The following PTPRD variants were observed in gnomAD, a reference collection of about 807,000 sequenced individuals.
PTPRD encodes receptor-type tyrosine-protein phosphatase delta.
In PTPRD, 34 loss-of-function variants were observed where a neutral mutation model predicts 214.5. The ratio of observed to expected loss-of-function variants is 0.16; its 90% CI spans 0.12 to 0.21. The LOEUF is 0.21. PTPRD is among the 10% of genes least tolerant of loss of function. PTPRD has a pLI of 1.00. For synonymous variants in PTPRD, 1,128 were observed against 845.7 expected, an observed-to-expected ratio of 1.33 and a Z score of -5.79; for missense variants, 2,545 against 2,398.7, an observed-to-expected ratio of 1.06 and a Z score of -1.27.
chr9:9,514,395 T>C (rs529082151), intron 8 of PTPRD, among the ~76,000 whole-genome samples: 1 of 152,102 alleles, frequency 6.6e-6, no homozygotes, highest in Non-Finnish European at 1.5e-5. Context: ...TGGAGCTGTG[T>C]GTGTAAAACA....
intron 14 of PTPRD, among the ~76,000 whole-genome samples, chr9:8,597,295 A>T (rs1445262007): frequency 2.6e-5 from 4 of 152,066 alleles, no homozygotes; most frequent in Non-Finnish European, 5.9e-5. Context: ...CAAGACAAGA[A>T]TAAGATTGAA....
rs1569554847 is a variant in PTPRD, at chr9:9,152,519, T to G, written c.-143+30785A>C. Among the ~76,000 whole-genome samples, 9 of 152,202 alleles carry G rather than the reference T, an allele frequency of 5.9e-5. No individual in the cohort carries two copies. In the South Asian group the frequency reaches 1.9e-3, roughly 32 times the overall value. On this transcript the variant is annotated intron_variant, in intron 10 of 45. Transcript: ENST00000381196. ...AATAGTAATAACTATACAAGATTAA[T>G]GGTAAAGACAAATATGTAAGAAAGA... is the stretch of plus-strand genomic sequence containing the variant.
intron 11 of PTPRD, among the ~76,000 whole-genome samples, chr9:8,759,177 C>T (rs187385463): frequency 9.9e-5 from 15 of 152,106 alleles, no homozygotes; most frequent in African/African-American, 2.9e-4. Flanking sequence ...ATGACAGACA[C>T]GTACCACCTT....
intron 31 of PTPRD, 34 bp from the exon 32 acceptor site, chr9:8,465,709 T>C (rs1365415184): frequency 4.5e-6 from 7 of 1,550,246 alleles, no homozygotes; most frequent in African/African-American, 4.1e-5. Context: ...GAAAAAGAAC[T>C]GTAAATAATA....
chr9:9,845,602 G>A (rs10978033), intron 5 of PTPRD, among the ~76,000 whole-genome samples: 28,252 of 151,776 alleles, frequency 0.19, 2,668 homozygotes, highest in African/African-American at 0.22. Flanking sequence ...AGTTAGTGGT[G>A]ATATTCAAAA....
intron 7 of PTPRD, among the ~76,000 whole-genome samples, chr9:9,650,722 C>T (rs192619309): frequency 6.6e-6 from 1 of 151,850 alleles, no homozygotes; most frequent in Admixed American, 6.6e-5. Flanking sequence ...ACAACAAATC[C>T]CCATGACACA....
At chr9:9,949,458 C>G (rs1474915874) in intron 4 of PTPRD, among the ~76,000 whole-genome samples, 1 of 151,994 alleles carries the variant, frequency 6.6e-6, no homozygotes, top group African/African-American at 2.4e-5. Context: ...TTGGGATAAT[C>G]ACTCTTGTTT....
Position 9,106,635 on chromosome 9 carries a change from A to AG in PTPRD, c.-143+76668dup, listed in dbSNP as rs1554793220. On this transcript the variant is annotated intron_variant, in intron 10 of 45. Transcript: ENST00000381196. ...GGCAAAAAAAAAAAAAAAAAAAAAA[A>AG]GGTTTCATCTGCAGGCTCCTACCTA... Among the ~76,000 whole-genome samples the AG allele has an allele frequency of 6.0e-4, 87 of 145,514 alleles. 1 individual carries two copies. Among genetic ancestry groups the AG allele is most frequent in the East Asian group, 1.7e-3 (8 of 4,808 alleles).
intron 3 of PTPRD, among the ~76,000 whole-genome samples, chr9:10,184,021 T>C (rs1166552474): frequency 1.3e-5 from 2 of 152,186 alleles, no homozygotes; most frequent in African/African-American, 4.8e-5. Context: ...CACGTATACA[T>C]CTCTTAGATC....
chr9:8,353,010 C>G (rs2075939196), intron 39 of PTPRD, among the ~76,000 whole-genome samples: 2 of 152,106 alleles, frequency 1.3e-5, no homozygotes, highest in Admixed American at 1.3e-4. Context: ...ACTAGGGAGG[C>G]TGAGACAGGA....
intron 3 of PTPRD, among the ~76,000 whole-genome samples, chr9:10,235,303 A>T (rs1201002066): frequency 6.6e-6 from 1 of 151,990 alleles, no homozygotes; most frequent in East Asian, 1.9e-4. Flanking sequence ...ACAATGATAC[A>T]CCCAGTGTGA....
chr9:10,036,911 A>C (rs1589435470), intron 3 of PTPRD, among the ~76,000 whole-genome samples: 1 of 110,994 alleles, frequency 9.0e-6, no homozygotes, highest in South Asian at 3.0e-4. Context: ...TTTAGATAGC[A>C]CCTCACTCTG....
chr9:10,560,743 G>C (rs1457377064), intron 2 of PTPRD, among the ~76,000 whole-genome samples: 1 of 152,134 alleles, frequency 6.6e-6, no homozygotes, highest in African/African-American at 2.4e-5. Flanking sequence ...ATAATTAAAT[G>C]ACATTTAAAT....
intron 5 of PTPRD, among the ~76,000 whole-genome samples, chr9:9,872,658 T>C (rs1224285210): frequency 2.6e-5 from 4 of 152,016 alleles, no homozygotes; most frequent in Non-Finnish European, 2.9e-5. Context: ...TAGAATTACA[T>C]GAGATAGATA....
chr9:9,949,636 G>C (rs1322724090), intron 4 of PTPRD, among the ~76,000 whole-genome samples: 1 of 152,098 alleles, frequency 6.6e-6, no homozygotes, highest in Non-Finnish European at 1.5e-5. Flanking sequence ...TACGGAGTAG[G>C]CATTTTCTGA....
At chr9:10,272,109 C>T (rs2094454748) in intron 3 of PTPRD, among the ~76,000 whole-genome samples, 1 of 152,150 alleles carries the variant, frequency 6.6e-6, no homozygotes, top group South Asian at 2.1e-4. Flanking sequence ...CTAATCCCTT[C>T]CCAGCAGTAG....
intron 9 of PTPRD, among the ~76,000 whole-genome samples, chr9:9,371,633 G>C (rs1375776001): frequency 1.3e-5 from 2 of 152,190 alleles, no homozygotes; most frequent in East Asian, 1.9e-4. Flanking sequence ...TCTGATCTTA[G>C]TTATTTCTTG....
Position 9,954,339 on chromosome 9 carries a change from A to G in PTPRD, c.-471-15729T>C, listed in dbSNP as rs1221590557. 2.0e-5 allele frequency among the ~76,000 whole-genome samples: 3 copies of G among 149,848 alleles called. No individual in the cohort carries two copies. The East Asian group carries it at 5.9e-4, about 29-fold the overall frequency. On this transcript the variant is annotated intron_variant, in intron 4 of 45. Coordinates refer to ENST00000381196, the MANE Select transcript of PTPRD (RefSeq NM_002839.4). Reference sequence around the variant, plus strand: ...AAAAAAAAAAAGATCATTGTCCTATAAACAGTATTACTAATAAACTCATCT... The same window carrying G: ...AAAAAAAAAAAGATCATTGTCCTATGAACAGTATTACTAATAAACTCATCT...
chr9:9,969,812 T>C (rs939806445), intron 4 of PTPRD, among the ~76,000 whole-genome samples: 1 of 152,210 alleles, frequency 6.6e-6, no homozygotes, highest in African/African-American at 2.4e-5. Flanking sequence ...TTTTAAAAAA[T>C]TAACATGTCT....
Sources: gnomAD v4.1 joint callset for allele counts (sites outside exome capture counted in the v4.1 genomes callset) on GRCh38, gnomAD v4.1.1 for gene constraint, MANE v1.5 for transcripts, NCBI Gene and HGNC (gene_info 2026-07-23, HGNC 2026-07-21) for gene names.